CERT1: variants seen among roughly 807,000 people sequenced by gnomAD.
CERT1 encodes ceramide transporter 1, also known as ceramide transfer protein.
In CERT1, 31 loss-of-function variants were observed where a neutral mutation model predicts 87.9. That is an observed-to-expected ratio of 0.35 (90% CI 0.27 to 0.48). The LOEUF is 0.48. Among genes scored for constraint, CERT1 ranks in the 20% least tolerant of loss-of-function variants. The pLI, the probability that CERT1 is intolerant of heterozygous loss-of-function variation, is 0.99. For synonymous variants in CERT1, 289 were observed against 250.9 expected (o/e 1.15, Z -1.44); for missense variants, 487 against 758.0 (o/e 0.64, Z 4.20).
intron 17 of CERT1, chr5:75,369,338 C>T (rs189218866): frequency 1.3e-5 from 2 of 152,264 alleles, no homozygotes; most frequent in East Asian, 3.9e-4. Context: ...AATCATAAAT[C>T]GAACCATTGT....
chr5:75,389,579 C>G lies in CERT1; in HGVS notation c.1284+13G>C. ...ACGCCTTTGGCAATCTATAACATTT[C>G]AGGGGGAATTACCTTCATTTCTCCT... On this transcript the variant is annotated intron_variant, in intron 12 of 16. Coordinates refer to ENST00000643780, the MANE Select transcript of CERT1 (RefSeq NM_001379029.1). 1 of 1,604,736 alleles carries G rather than the reference C, an allele frequency of 6.2e-7. No homozygotes were observed. The highest frequency in any genetic ancestry group is 8.5e-7 in the Non-Finnish European group (1 of 1,171,544).
chr5:75,471,046 C>G (rs1273394410), intron 2 of CERT1, among the ~76,000 whole-genome samples: 1 of 151,958 alleles, frequency 6.6e-6, no homozygotes, highest in African/African-American at 2.4e-5. Context: ...AGTGAAAGAT[C>G]TCTACACTGA....
At chr5:75,503,302 G>C (rs1417621470) in intron 2 of CERT1, among the ~76,000 whole-genome samples, 1 of 151,848 alleles carries the variant, frequency 6.6e-6, no homozygotes, top group African/African-American at 2.4e-5. Flanking sequence ...TTTCATAAGA[G>C]TGCCATATAA....
intron 11 of CERT1, among the ~76,000 whole-genome samples, chr5:75,391,169 C>T (rs1346921022): frequency 6.6e-6 from 1 of 152,164 alleles, no homozygotes; most frequent in Non-Finnish European, 1.5e-5. Context: ...CTGGCCCAGG[C>T]TGGTCTTGAA....
intron 2 of CERT1, among the ~76,000 whole-genome samples, chr5:75,477,428 T>C (rs1186856951): frequency 1.3e-5 from 2 of 151,830 alleles, no homozygotes; most frequent in African/African-American, 4.8e-5. Flanking sequence ...CTCTGTTGTG[T>C]TTCCATGAAA....
chr5:75,371,246 C>T (rs1343134401), intron 17 of CERT1: 1 of 152,110 alleles, frequency 6.6e-6, no homozygotes, highest in Non-Finnish European at 1.5e-5. Flanking sequence ...CTACACACTC[C>T]CAAGGTACTT....
At chr5:75,431,294 TTAAG>T (rs1763855944) in intron 3 of CERT1, among the ~76,000 whole-genome samples, 2 of 152,126 alleles carry the variant, frequency 1.3e-5, no homozygotes, top group Non-Finnish European at 2.9e-5. Context: ...CCTCCCACTT[TTAAG>T]TAAGAACATG....
rs1384972139 is a variant in CERT1 at position 75,378,077 on chromosome 5, G to A, written c.*1269C>T. On this transcript the variant is annotated 3_prime_UTR_variant, in exon 17 of 17. Transcript: ENST00000643780. ...ATTACAGGTGTGACCCACTGCACCT[G>A]GCCACTTTTGGCTTTTAATCATGTT... 1.3e-5 allele frequency: 2 copies of A among 152,234 alleles called. No individual in the cohort carries two copies. Among genetic ancestry groups the A allele is most frequent in the East Asian group, 3.9e-4 (2 of 5,184 alleles). 9.4% of individuals were successfully genotyped at this position (152,234 alleles called of 1,614,324 possible). A position where few individuals can be genotyped will look rare whatever the true frequency, so the allele number is the denominator to read the frequency against.
At chr5:75,387,851 C>T (rs949981112) in intron 12 of CERT1, among the ~76,000 whole-genome samples, 6 of 152,114 alleles carry the variant, frequency 3.9e-5, no homozygotes, top group African/African-American at 1.2e-4. Context: ...CTTTATGCTT[C>T]CCATTATCTA....
At chr5:75,432,054 C>CG (rs1307294890) in intron 3 of CERT1, among the ~76,000 whole-genome samples, 26 of 150,624 alleles carry the variant, frequency 1.7e-4, no homozygotes, top group African/African-American at 6.2e-4. Context: ...ACATTCCCCC[C>CG]CCCTTTTTTT....
intron 3 of CERT1, among the ~76,000 whole-genome samples, chr5:75,429,564 G>C (rs1052276185): frequency 6.6e-6 from 1 of 152,144 alleles, no homozygotes. Flanking sequence ...TGTGCCTCTA[G>C]TCCCAGCTAC....
chr5:75,434,061 CT>C (rs1313575354), intron 3 of CERT1, among the ~76,000 whole-genome samples: 1 of 151,880 alleles, frequency 6.6e-6, no homozygotes, highest in African/African-American at 2.4e-5. Flanking sequence ...ACATCCTTGT[CT>C]TTTCCTGGTT....
chr5:75,401,024 T>A (rs1164400011), intron 9 of CERT1: 2 of 152,232 alleles, frequency 1.3e-5, no homozygotes, highest in South Asian at 2.1e-4. Context: ...TGTTGAGAGA[T>A]CTGTGCAATA....
At chr5:75,412,974 A>C (rs1327397968) in intron 7 of CERT1, among the ~76,000 whole-genome samples, 1 of 152,184 alleles carries the variant, frequency 6.6e-6, no homozygotes, top group Non-Finnish European at 1.5e-5. Context: ...AATTTTTTAA[A>C]CTTTTTGAGT....
intron 3 of CERT1, among the ~76,000 whole-genome samples, chr5:75,446,499 C>CA: frequency 6.6e-6 from 1 of 152,248 alleles, no homozygotes; most frequent in Admixed American, 6.5e-5. Context: ...AAGTCTTTTT[C>CA]AGGGACAGTT....
In CERT1 at chr5:75,427,058, T is replaced by C. The variant is rs1239335266; in HGVS notation, c.349-580A>G. Among the ~76,000 whole-genome samples the C allele has an allele frequency of 3.3e-5, 5 of 152,206 alleles. No individual in the cohort carries two copies. In the East Asian group the frequency reaches 9.6e-4, roughly 29 times the overall value. On this transcript the variant is annotated intron_variant, in intron 3 of 16. Transcript: ENST00000643780. The stretch of plus-strand genomic sequence containing the variant: ...GAAGCAGCTTGTATCTTTTAAATTT[T>C]TGTAACCACCTCGACAGTTCATGGC...
Position 75,399,383 on chromosome 5 carries a change from T to C in CERT1, c.1115A>G (p.Tyr372Cys), listed in dbSNP as rs371039682. 2.7e-5 allele frequency: 43 copies of C among 1,612,132 alleles called. No individual in the cohort carries two copies. The Admixed American group carries it at 2.8e-4, about 11-fold the overall frequency. ...GGAAGACATGGAGGAAGAGCGACTA[T>C]AGGGCTACCAGAGACAGACAAAGAA... Reference protein sequence around the residue: ...VGTHRFVQKPYSRSSSMSSID... With the variant: ...VGTHRFVQKPCSRSSSMSSID... Residue 372 changes from tyrosine to cysteine, a missense_variant, in exon 11 of 17, where the codon TAT becomes TGT. Around this residue, in one of 8 missense-constraint regions of CERT1, gnomAD observed 91 missense variants for 86.7 expected, o/e 1.05. Transcript: ENST00000643780.
At chr5:75,445,141 C>T (rs1288146666) in intron 3 of CERT1, among the ~76,000 whole-genome samples, 1 of 152,142 alleles carries the variant, frequency 6.6e-6, no homozygotes. Flanking sequence ...AAAACAAAAT[C>T]TGCAATTACA....
chr5:75,397,944 G>C (rs991894367), intron 11 of CERT1, among the ~76,000 whole-genome samples: 1 of 152,140 alleles, frequency 6.6e-6, no homozygotes, highest in African/African-American at 2.4e-5. Context: ...GCTTGAACCT[G>C]GGAGATGGAG....
Sources: gnomAD v4.1 joint callset for allele counts (sites outside exome capture counted in the v4.1 genomes callset) on GRCh38, gnomAD v4.1.1 for gene constraint, gnomAD v4.1.1 regional missense constraint, MANE v1.5 for transcripts, NCBI Gene and HGNC (gene_info 2026-07-23, HGNC 2026-07-21) for gene names.